HTR2C: variants seen among roughly 807,000 people sequenced by gnomAD.
HTR2C encodes 5-hydroxytryptamine (serotonin) receptor 2C, G protein-coupled.
Under a neutral mutation model 21.0 loss-of-function variants are expected in HTR2C, and 5 were observed. The observed-to-expected ratio is 0.24, with a 90% CI of 0.12 to 0.50. HTR2C has a LOEUF of 0.50. HTR2C is among the 20% of genes least tolerant of loss of function. HTR2C has a pLI of 0.98. For synonymous variants in HTR2C, 150 were observed against 145.3 expected (o/e 1.03, Z -0.23); for missense variants, 271 against 371.2 (o/e 0.73, Z 2.22).
chrX:114,861,565 C>G (rs1327536278), intron 5 of HTR2C, among the ~76,000 whole-genome samples: 3 of 111,467 alleles, frequency 2.7e-5, no homozygotes, highest in Non-Finnish European at 5.7e-5. Flanking sequence ...TGAAGAACCT[C>G]CATACTGTTT....
At chrX:114,830,324 G>C (rs1204329894) in intron 4 of HTR2C, among the ~76,000 whole-genome samples, 1 of 111,605 alleles carries the variant, frequency 9.0e-6, no homozygotes, top group Non-Finnish European at 1.9e-5. Context: ...CCACTACACA[G>C]TTTGAAGATT....
chrX:114,898,537 T>C (rs1217964311), intron 5 of HTR2C, among the ~76,000 whole-genome samples: 1 of 112,259 alleles, frequency 8.9e-6, no homozygotes, highest in Non-Finnish European at 1.9e-5. Context: ...GTTTTACATT[T>C]AAGTCTTTAA....
intron 2 of HTR2C, among the ~76,000 whole-genome samples, chrX:114,717,062 TA>T (rs1556419894): frequency 2.7e-5 from 3 of 111,383 alleles, no homozygotes; most frequent in Non-Finnish European, 5.6e-5. Context: ...AGAAGTGATC[TA>T]GTTGACTATA....
intron 1 of HTR2C, among the ~76,000 whole-genome samples, chrX:114,598,727 G>A (rs782757904): frequency 3.9e-4 from 43 of 111,121 alleles, no homozygotes; most frequent in African/African-American, 1.4e-3. Context: ...TACCAGCAAA[G>A]TACTTTATAA....
intron 4 of HTR2C, among the ~76,000 whole-genome samples, chrX:114,741,765 A>G (rs2069651669): frequency 9.2e-6 from 1 of 108,753 alleles, no homozygotes; most frequent in South Asian, 4.1e-4. Flanking sequence ...TATTCAATCA[A>G]TAACTCTGTA....
At chrX:114,612,584 C>T (rs982148510) in intron 1 of HTR2C, among the ~76,000 whole-genome samples, 2 of 112,235 alleles carry the variant, frequency 1.8e-5, no homozygotes, top group East Asian at 2.8e-4. Flanking sequence ...CCTCTTCCAG[C>T]GTCTAATATT....
chrX:114,702,561 C>G (rs1217467701), intron 2 of HTR2C, among the ~76,000 whole-genome samples: 1 of 111,295 alleles, frequency 9.0e-6, no homozygotes, highest in Admixed American at 9.6e-5. Context: ...CTGGAGGAAG[C>G]ACTAAACATG....
chrX:114,673,740 A>T (rs1036185285), intron 2 of HTR2C, among the ~76,000 whole-genome samples: 3 of 111,427 alleles, frequency 2.7e-5, no homozygotes, highest in Non-Finnish European at 1.9e-5. Context: ...GGAACTTTTT[A>T]AAACTATTTT....
intron 5 of HTR2C, among the ~76,000 whole-genome samples, chrX:114,890,107 T>C (rs782289257): frequency 1.1e-3 from 120 of 112,170 alleles, no homozygotes; most frequent in African/African-American, 3.5e-3. Context: ...TTTCTTAGTA[T>C]GCAATTTCAA....
intron 1 of HTR2C, among the ~76,000 whole-genome samples, chrX:114,601,112 T>A (rs184984992): frequency 6.2e-5 from 7 of 112,071 alleles, no homozygotes; most frequent in African/African-American, 2.3e-4. Context: ...CTGTCACTAG[T>A]TTTTTACTCA....
intron 4 of HTR2C, among the ~76,000 whole-genome samples, chrX:114,814,896 AT>A (rs1569496912): frequency 9.8e-6 from 1 of 102,335 alleles, no homozygotes; most frequent in African/African-American, 3.5e-5. Flanking sequence ...ATATATTATA[AT>A]ATTATATAGT....
At chrX:114,604,169 G>T (rs1928282231) in intron 1 of HTR2C, among the ~76,000 whole-genome samples, 1 of 109,055 alleles carries the variant, frequency 9.2e-6, no homozygotes, top group Admixed American at 9.8e-5. Flanking sequence ...TACAAGAGGA[G>T]GACGCAAAGG....
chrX:114,748,015 TA>T (rs782288431), intron 4 of HTR2C, among the ~76,000 whole-genome samples: 6 of 112,079 alleles, frequency 5.4e-5, no homozygotes, highest in African/African-American at 2.0e-4. Context: ...ATTTGGGGGA[TA>T]ATTTGCTATG....
At chrX:114,822,208 T>C (rs1158988553) in intron 4 of HTR2C, among the ~76,000 whole-genome samples, 3 of 111,816 alleles carry the variant, frequency 2.7e-5, no homozygotes, top group Non-Finnish European at 5.6e-5. Flanking sequence ...CACTCTACAT[T>C]AATGACATAG....
In HTR2C at chrX:114,903,564, A is replaced by G. The variant is rs1190160995; in HGVS notation, c.551-3025A>G. On this transcript the variant is annotated intron_variant, in intron 5 of 5. Coordinates refer to ENST00000276198, the MANE Select transcript of HTR2C (RefSeq NM_000868.4). ...CCAATAACAGCTTCAGCTTATCTAC[A>G]GTGACTTTGCTACCCTCTCTTGCTG... Among the ~76,000 whole-genome samples the G allele has an allele frequency of 1.1e-4, 12 of 112,274 alleles. No homozygotes were observed. The East Asian group carries it at 2.8e-3, about 26-fold the overall frequency.
At chrX:114,718,959 T>G (rs1485661545) in intron 2 of HTR2C, among the ~76,000 whole-genome samples, 1 of 89,126 alleles carries the variant, frequency 1.1e-5, no homozygotes, top group Non-Finnish European at 2.1e-5. Flanking sequence ...ATATTAATAT[T>G]AATATTAATA....
At chrX:114,608,288 G>A (rs1266370958) in intron 1 of HTR2C, among the ~76,000 whole-genome samples, 2 of 111,297 alleles carry the variant, frequency 1.8e-5, no homozygotes, top group Non-Finnish European at 3.8e-5. Context: ...TATCCAATTT[G>A]CCTATTTTAA....
chrX:114,711,324 T>A (rs2147321394), intron 2 of HTR2C, among the ~76,000 whole-genome samples: 1 of 111,956 alleles, frequency 8.9e-6, no homozygotes, highest in East Asian at 2.8e-4. Context: ...TAATCACAAA[T>A]ATGTTAGGCA....
At chrX:114,593,224 T>C (rs1392622704) in intron 1 of HTR2C, among the ~76,000 whole-genome samples, 1 of 111,808 alleles carries the variant, frequency 8.9e-6, no homozygotes, top group African/African-American at 3.3e-5. Flanking sequence ...ATAGACATAA[T>C]TGTTTGCACC....
Sources: gnomAD v4.1 joint callset for allele counts (sites outside exome capture counted in the v4.1 genomes callset) on GRCh38, gnomAD v4.1.1 for gene constraint, MANE v1.5 for transcripts, NCBI Gene and HGNC (gene_info 2026-07-23, HGNC 2026-07-21) for gene names.